The following KCNMB2 variants were observed in gnomAD, a reference collection of about 807,000 sequenced individuals.
The protein encoded by KCNMB2 is potassium calcium-activated channel subfamily M regulatory beta subunit 2.
A neutral mutation model predicts 24.5 loss-of-function variants in KCNMB2; 9 were observed. That is an observed-to-expected ratio of 0.37 (90% CI 0.22 to 0.64). The LOEUF is 0.64. Among genes scored for constraint, KCNMB2 ranks in the 30% least tolerant of loss-of-function variants. The pLI is 0.63. For synonymous variants in KCNMB2, 109 were observed against 104.4 expected (o/e 1.04, Z -0.27); for missense variants, 226 against 284.3 (o/e 0.79, Z 1.47).
chr3:178,541,469 T>C (rs147968286), intron 1 of KCNMB2, among the ~76,000 whole-genome samples: 1 of 152,302 alleles, frequency 6.6e-6, no homozygotes, highest in African/African-American at 2.4e-5. Context: ...GTTAATACAA[T>C]CAATAATCGT....
At chr3:178,571,230 C>T (rs139025339) in intron 1 of KCNMB2, among the ~76,000 whole-genome samples, 1 of 151,428 alleles carries the variant, frequency 6.6e-6, no homozygotes, top group East Asian at 1.9e-4. Context: ...TTTAATCAAG[C>T]TTCACGGCTT....
chr3:178,759,296 CATAT>C (rs1467058925), intron 1 of KCNMB2, among the ~76,000 whole-genome samples: 1 of 96,740 alleles, frequency 1.0e-5, no homozygotes, highest in Non-Finnish European at 2.0e-5. Context: ...CAAGAGGAGA[CATAT>C]ATATATCTCC....
chr3:178,784,874 T>TAA (rs67483966), intron 1 of KCNMB2, among the ~76,000 whole-genome samples: 2,046 of 121,276 alleles, frequency 0.017, 33 homozygotes, highest in Non-Finnish European at 0.022. Flanking sequence ...CCTGAAGCCT[T>TAA]AAAAAAAAAA....
chr3:178,767,840 T>C (rs1712184972), intron 1 of KCNMB2, among the ~76,000 whole-genome samples: 1 of 152,188 alleles, frequency 6.6e-6, no homozygotes, highest in Non-Finnish European at 1.5e-5. Context: ...GGGTTTTATG[T>C]AGATTTGTGG....
rs1198829739 is a variant in KCNMB2 at position 178,843,074 on chromosome 3, C to A, written c.*137C>A. On this transcript the variant is annotated 3_prime_UTR_variant, in exon 5 of 5. Coordinates refer to ENST00000452583, the MANE Select transcript of KCNMB2 (RefSeq NM_181361.3). ...TATTCTTATATGTAGAGCAATAATG[C>A]AAAAGCTGTTCTATATGCAAACATG... The A allele has an allele frequency of 5.6e-6, 4 of 714,374 alleles. No homozygotes were observed. The highest frequency in any genetic ancestry group is 9.6e-6 in the Non-Finnish European group (4 of 417,468). 44.3% of individuals were successfully genotyped at this position (714,374 alleles called of 1,614,324 possible).
At chr3:178,709,965 A>G (rs944593868) in intron 1 of KCNMB2, among the ~76,000 whole-genome samples, 1 of 152,262 alleles carries the variant, frequency 6.6e-6, no homozygotes, top group Non-Finnish European at 1.5e-5. Flanking sequence ...AGAGGAGCCC[A>G]GGATCAACAG....
chr3:178,730,405 A>ACCCCCCCCCC (rs71181246), intron 1 of KCNMB2, among the ~76,000 whole-genome samples: 1 of 112,146 alleles, frequency 8.9e-6, no homozygotes, highest in African/African-American at 3.7e-5. Flanking sequence ...GTCCCCCAAC[A>ACCCCCCCCCC]CCCCCCCACA....
intron 2 of KCNMB2, among the ~76,000 whole-genome samples, chr3:178,812,769 T>A (rs1714245451): frequency 6.6e-6 from 1 of 152,148 alleles, no homozygotes; most frequent in Non-Finnish European, 1.5e-5. Flanking sequence ...ATGGATATGT[T>A]TTTGAATCTC....
intron 1 of KCNMB2, among the ~76,000 whole-genome samples, chr3:178,726,165 T>C (rs1197533734): frequency 6.6e-6 from 1 of 151,898 alleles, no homozygotes; most frequent in Non-Finnish European, 1.5e-5. Flanking sequence ...CAATCAATAT[T>C]TTACTAGTTC....
chr3:178,652,110 A>G (rs1720142650), intron 1 of KCNMB2, among the ~76,000 whole-genome samples: 1 of 65,854 alleles, frequency 1.5e-5, no homozygotes, highest in Non-Finnish European at 2.9e-5. Context: ...ACAGCAAAAG[A>G]AACTGTCGTC....
At position 178,700,942 on chromosome 3, in the gene KCNMB2, C is replaced by T. The variant is rs1295497642; in HGVS notation, c.-67-106401C>T. On this transcript the variant is annotated intron_variant, in intron 1 of 4. Coordinates refer to ENST00000452583, the MANE Select transcript of KCNMB2 (RefSeq NM_181361.3). ...TCTGATGGTGGTTTCTTTTGCTGTG[C>T]AGAAGCTCTTTAGTTTAATTAGATC... 2.6e-5 allele frequency among the ~76,000 whole-genome samples: 4 copies of T among 152,288 alleles called. No individual in the cohort carries two copies. In the East Asian group the frequency reaches 7.7e-4, roughly 29 times the overall value.
At chr3:178,604,205 A>C (rs1718195570) in intron 1 of KCNMB2, among the ~76,000 whole-genome samples, 1 of 152,192 alleles carries the variant, frequency 6.6e-6, no homozygotes, top group African/African-American at 2.4e-5. Flanking sequence ...TTTGCAGGTG[A>C]GAAAGGAAAT....
At chr3:178,773,794 T>A (rs1712472804) in intron 1 of KCNMB2, among the ~76,000 whole-genome samples, 1 of 152,192 alleles carries the variant, frequency 6.6e-6, no homozygotes, top group African/African-American at 2.4e-5. Flanking sequence ...AGCCATTACA[T>A]CTTCATTTCA....
intron 1 of KCNMB2, among the ~76,000 whole-genome samples, chr3:178,634,746 G>A (rs1440426768): frequency 6.6e-6 from 1 of 152,176 alleles, no homozygotes; most frequent in Non-Finnish European, 1.5e-5. Flanking sequence ...TCTGATGTGA[G>A]ATCTCAGGGA....
Position 178,551,161 on chromosome 3 carries a change from C to T in KCNMB2, c.-68+14450C>T, listed in dbSNP as rs535257395. Among the ~76,000 whole-genome samples the T allele has an allele frequency of 4.6e-5, 7 of 152,194 alleles. 1 individual carries two copies. The East Asian group carries it at 5.8e-4, about 13-fold the overall frequency. On this transcript the variant is annotated intron_variant, in intron 1 of 4. Coordinates refer to ENST00000452583, the MANE Select transcript of KCNMB2 (RefSeq NM_181361.3). The stretch of plus-strand genomic sequence containing the variant: ...AGAGTGAGGGCAGTTGACAAAGGGC[C>T]GGTGAGGATGAAGGAACAGTACAGA...
At chr3:178,694,619 G>A (rs1238550575) in intron 1 of KCNMB2, among the ~76,000 whole-genome samples, 1 of 152,092 alleles carries the variant, frequency 6.6e-6, no homozygotes, top group Non-Finnish European at 1.5e-5. Flanking sequence ...CAAAACAAAG[G>A]GCCTACAGGC....
At chr3:178,745,734 A>G (rs1488696561) in intron 1 of KCNMB2, among the ~76,000 whole-genome samples, 2 of 152,204 alleles carry the variant, frequency 1.3e-5, no homozygotes, top group African/African-American at 2.4e-5. Context: ...AGCCATCCCA[A>G]ATGGGAGAAA....
chr3:178,598,264 T>C (rs940546360), intron 1 of KCNMB2, among the ~76,000 whole-genome samples: 4 of 152,080 alleles, frequency 2.6e-5, no homozygotes, highest in Non-Finnish European at 4.4e-5. Context: ...CAGGTTTGAA[T>C]CCAGTCAAGA....
At chr3:178,658,493 C>G (rs1359025579) in intron 1 of KCNMB2, among the ~76,000 whole-genome samples, 1 of 152,208 alleles carries the variant, frequency 6.6e-6, no homozygotes, top group African/African-American at 2.4e-5. Context: ...GCTCATGGTA[C>G]TAATTACTCC....
Sources: allele counts gnomAD v4.1 joint callset (sites outside exome capture counted in the v4.1 genomes callset), GRCh38; gene constraint gnomAD v4.1.1; transcripts MANE v1.5; gene names NCBI Gene and HGNC (gene_info 2026-07-23, HGNC 2026-07-21).